CDH13: variants seen among roughly 807,000 people sequenced by gnomAD.
CDH13 encodes cadherin-13.
Under a neutral mutation model 63.8 loss-of-function variants are expected in CDH13, and 24 were observed. The observed-to-expected ratio is 0.38, with a 90% CI of 0.27 to 0.53. CDH13 has a LOEUF of 0.53. Ranked by LOEUF, CDH13 falls within the 20% of genes least tolerant of loss-of-function variation. The probability of loss-of-function intolerance (pLI) is 0.85; values close to 1 mark genes in which losing one functional copy is unlikely to be tolerated. For synonymous variants in CDH13, 503 were observed against 355.3 expected, an observed-to-expected ratio of 1.42 and a Z score of -4.67; for missense variants, 1,049 against 903.1, an observed-to-expected ratio of 1.16 and a Z score of -2.07.
At chr16:82,958,031 G>T (rs376625637) in intron 2 of CDH13, among the ~76,000 whole-genome samples, 2 of 152,188 alleles carry the variant, frequency 1.3e-5, no homozygotes. Context: ...GATGGCAGAG[G>T]TGGGTGAGGC....
intron 7 of CDH13, among the ~76,000 whole-genome samples, chr16:83,575,905 T>C (rs912181274): frequency 2.0e-5 from 3 of 152,322 alleles, no homozygotes; most frequent in East Asian, 3.9e-4. Flanking sequence ...CACATAGTAC[T>C]CTTTATTGTA....
chr16:82,846,682 C>T (rs1370896558), intron 1 of CDH13, among the ~76,000 whole-genome samples: 2 of 152,146 alleles, frequency 1.3e-5, no homozygotes. Flanking sequence ...ATTATATGTC[C>T]ATGTGTCTGT....
At position 82,756,221 on chromosome 16, in the gene CDH13, C is replaced by A. The variant is rs1269063548; in HGVS notation, c.46-102141C>A. The stretch of plus-strand genomic sequence containing the variant: ...TCTTGGCTAAGCAAAAAACTACAGT[C>A]TGTAAATTAGATATTCTGGAATAAA... On this transcript the variant is annotated intron_variant, in intron 1 of 13. Coordinates refer to ENST00000567109, the MANE Select transcript of CDH13 (RefSeq NM_001257.5). Among the ~76,000 whole-genome samples, 3 of 152,084 alleles carry A rather than the reference C, an allele frequency of 2.0e-5. No individual in the cohort carries two copies. In the East Asian group the frequency reaches 5.8e-4, roughly 29 times the overall value.
intron 1 of CDH13, among the ~76,000 whole-genome samples, chr16:82,652,243 C>T (rs1910805585): frequency 6.6e-6 from 1 of 152,196 alleles, no homozygotes; most frequent in Non-Finnish European, 1.5e-5. Flanking sequence ...CCTAGCCTGT[C>T]ATGGTGGAAC....
intron 4 of CDH13, among the ~76,000 whole-genome samples, chr16:83,202,036 T>C (rs1311513550): frequency 1.3e-5 from 2 of 152,206 alleles, no homozygotes; most frequent in East Asian, 3.9e-4. Flanking sequence ...TCTATTTCAG[T>C]TTTCCCTGTA....
At chr16:83,643,371 C>G (rs1277413609) in intron 8 of CDH13, among the ~76,000 whole-genome samples, 6 of 151,500 alleles carry the variant, frequency 4.0e-5, no homozygotes, top group Non-Finnish European at 1.5e-5. Flanking sequence ...TCGTATATAT[C>G]AAGTTCTACT....
chr16:83,154,667 A>G (rs7203576), intron 4 of CDH13, among the ~76,000 whole-genome samples: 19,711 of 152,160 alleles, frequency 0.13, 1,396 homozygotes, highest in African/African-American at 0.18. Context: ...CTGATAAAAC[A>G]TTGACTAAGC....
intron 10 of CDH13, among the ~76,000 whole-genome samples, chr16:83,690,435 A>G (rs986945194): frequency 9.2e-5 from 14 of 152,178 alleles, no homozygotes; most frequent in African/African-American, 3.4e-4. Flanking sequence ...AGGTCCAGGT[A>G]GAGGAAGCAA....
intron 7 of CDH13, among the ~76,000 whole-genome samples, chr16:83,589,271 C>T (rs1326459152): frequency 1.6e-5 from 1 of 64,176 alleles, no homozygotes; most frequent in Non-Finnish European, 3.7e-5. Context: ...CTTATTCTTT[C>T]TCCCTTTCCC....
At chr16:82,808,291 T>C (rs1039403938) in intron 1 of CDH13, among the ~76,000 whole-genome samples, 3 of 152,228 alleles carry the variant, frequency 2.0e-5, no homozygotes, top group Admixed American at 2.0e-4. Context: ...GCTCATTGTC[T>C]AGGATCTCCA....
At chr16:83,563,316 A>G (rs2075740247) in intron 7 of CDH13, among the ~76,000 whole-genome samples, 1 of 152,246 alleles carries the variant, frequency 6.6e-6, no homozygotes, top group Non-Finnish European at 1.5e-5. Flanking sequence ...TTAAGCAGTC[A>G]TGGAACCAGG....
chr16:83,690,217 C>T (rs556581437), intron 10 of CDH13, among the ~76,000 whole-genome samples: 5 of 152,052 alleles, frequency 3.3e-5, no homozygotes, highest in Admixed American at 2.0e-4. Context: ...AATCATATTC[C>T]TGTGGAAGAG....
chr16:82,999,914 G>T (rs182823061), intron 2 of CDH13, among the ~76,000 whole-genome samples: 3 of 152,216 alleles, frequency 2.0e-5, no homozygotes, highest in Admixed American at 1.3e-4. Context: ...AGGGCATTTG[G>T]CAGTGTCTAA....
chr16:83,736,022 G>A (rs1042462759), intron 10 of CDH13: 3 of 152,170 alleles, frequency 2.0e-5, no homozygotes, highest in Non-Finnish European at 4.4e-5. Flanking sequence ...GCTACCAACT[G>A]GTACCAAACT....
At chr16:82,985,241 TAGG>T (rs1353397845) in intron 2 of CDH13, among the ~76,000 whole-genome samples, 1 of 152,164 alleles carries the variant, frequency 6.6e-6, no homozygotes, top group Non-Finnish European at 1.5e-5. Flanking sequence ...TCTGAGACCT[TAGG>T]AGAACTTCTT....
intron 8 of CDH13, among the ~76,000 whole-genome samples, chr16:83,613,558 C>A (rs772819114): frequency 8.5e-5 from 13 of 152,174 alleles, no homozygotes; most frequent in Non-Finnish European, 1.5e-4. Flanking sequence ...TCAGGCCAGG[C>A]ACGGTGGCTC....
intron 2 of CDH13, among the ~76,000 whole-genome samples, chr16:83,014,994 C>A (rs543993825): frequency 1.5e-3 from 232 of 149,824 alleles, no homozygotes; most frequent in South Asian, 2.7e-3. Context: ...GCAGATAGAT[C>A]CATACTAAGA....
intron 10 of CDH13, among the ~76,000 whole-genome samples, chr16:83,734,118 C>T (rs1043105868): frequency 3.9e-5 from 6 of 152,160 alleles, no homozygotes; most frequent in African/African-American, 1.2e-4. Flanking sequence ...CCACCAACAG[C>T]CCTTACCAAA....
In CDH13 at chr16:83,216,397, A is replaced by AATATATATAT. The variant is rs1158270310; in HGVS notation, c.484-910_484-901dup. On this transcript the variant is annotated intron_variant, in intron 4 of 13. Transcript: ENST00000567109. ...TAATGTCCTCTGCCTCCAGCATTGA[A>AATATATATAT]ATATATATATATATATATATATATA... Among the ~76,000 whole-genome samples, 33 of 16,082 alleles carry AATATATATAT rather than the reference A, an allele frequency of 2.1e-3. 1 individual carries two copies. Among genetic ancestry groups the AATATATATAT allele is most frequent in the Non-Finnish European group, 3.0e-3 (18 of 6,022 alleles). 10.6% of individuals were successfully genotyped at this position (16,082 alleles called of 152,430 possible).
Sources: gnomAD v4.1 joint callset for allele counts (sites outside exome capture counted in the v4.1 genomes callset) on GRCh38, gnomAD v4.1.1 for gene constraint, MANE v1.5 for transcripts, NCBI Gene and HGNC (gene_info 2026-07-23, HGNC 2026-07-21) for gene names.